The following ADAMTSL1 variants were observed in gnomAD, a reference collection of about 807,000 sequenced individuals.
The protein encoded by ADAMTSL1 is ADAMTS-like protein 1.
In ADAMTSL1, 126 loss-of-function variants were observed where a neutral mutation model predicts 201.8. The observed-to-expected ratio is 0.62, with a 90% CI of 0.54 to 0.72. ADAMTSL1 has a LOEUF of 0.72. ADAMTSL1 is among the 30% of genes least tolerant of loss of function. ADAMTSL1 has a pLI of 0.00. For synonymous variants in ADAMTSL1, 1,121 were observed against 903.4 expected (o/e 1.24, Z -4.32); for missense variants, 2,679 against 2,277.8 (o/e 1.18, Z -3.59).
chr9:18,398,106 C>G (rs1214492562), intron 2 of ADAMTSL1, among the ~76,000 whole-genome samples: 1 of 152,136 alleles, frequency 6.6e-6, no homozygotes, highest in African/African-American at 2.4e-5. Flanking sequence ...TTTCAACACT[C>G]TCTTTCCATC....
At chr9:17,914,891 G>C (rs1465163098) in intron 1 of ADAMTSL1, among the ~76,000 whole-genome samples, 2 of 152,124 alleles carry the variant, frequency 1.3e-5, no homozygotes, top group Non-Finnish European at 2.9e-5. Flanking sequence ...GACAAACAGA[G>C]AGCCAAACCA....
intron 2 of ADAMTSL1, among the ~76,000 whole-genome samples, 179 bp from the exon 3 acceptor site, chr9:18,533,068 C>T (rs1819542344): frequency 6.6e-6 from 1 of 151,992 alleles, no homozygotes; most frequent in African/African-American, 2.4e-5. Flanking sequence ...AATCAATTTA[C>T]ATCTATAACT....
chr9:18,037,148 A>G (rs1821233871), intron 1 of ADAMTSL1, among the ~76,000 whole-genome samples: 1 of 152,218 alleles, frequency 6.6e-6, no homozygotes, highest in Admixed American at 6.5e-5. Flanking sequence ...GTTTGCACTC[A>G]TGAAACTTCA....
In ADAMTSL1 at chr9:18,332,610, A is replaced by G. The variant is rs1472515050; in HGVS notation, c.207+168629A>G. Among the ~76,000 whole-genome samples, 76 of 152,164 alleles carry G rather than the reference A, an allele frequency of 5.0e-4. 1 individual carries two copies. Among genetic ancestry groups the G allele is most frequent in the Admixed American group, 5.0e-3 (76 of 15,262 alleles). ...GGACTAAAGGCGCATGCTACCAGAC[A>G]TGGCAATTTTAATTTTTCCTTTTTT... On this transcript the variant is annotated intron_variant, in intron 2 of 29. Coordinates refer to the ADAMTSL1 transcript ENST00000680146.
rs187661215 is a variant in ADAMTSL1, at chr9:17,990,032, C to T, written c.87+83110C>T. On this transcript the variant is annotated intron_variant, in intron 1 of 29. Transcript: ENST00000680146. ...GTTAGGGCAAAACAAACATTGAAGA[C>T]ATAGACTTGTTAAATGAAAAGCAGG... is the stretch of plus-strand genomic sequence containing the variant. 4.6e-3 allele frequency among the ~76,000 whole-genome samples: 693 copies of T among 150,740 alleles called. 4 individuals are homozygous for T. Among genetic ancestry groups the T allele is most frequent in the African/African-American group, 0.016 (645 of 41,062 alleles).
At chr9:18,409,910 A>G (rs895021634) in intron 2 of ADAMTSL1, among the ~76,000 whole-genome samples, 22 of 151,070 alleles carry the variant, frequency 1.5e-4, no homozygotes, top group African/African-American at 4.8e-4. Flanking sequence ...TCCTATTCCT[A>G]CAGATTATTT....
At chr9:18,565,164 A>G (rs1247303881) in intron 3 of ADAMTSL1, among the ~76,000 whole-genome samples, 2 of 152,216 alleles carry the variant, frequency 1.3e-5, no homozygotes, top group Admixed American at 6.5e-5. Context: ...CACACATTTC[A>G]TATCTTTTAT....
rs1222238662 is a variant in ADAMTSL1 at position 18,753,407 on chromosome 9, A to G, written c.2116A>G (p.Ile706Val). Residue 706 changes from isoleucine (I) to valine (V), a missense_variant, in exon 16 of 29, where the codon ATC becomes GTC. Physicochemically the swap from Ile to Val is conservative, Grantham distance 29 (BLOSUM62 3). Coordinates refer to ENST00000380548, the MANE Select transcript of ADAMTSL1 (RefSeq NM_001040272.6). ...TTCCAGAGAGATGAATGAAACAGTC[A>G]TCCTGGCTGATGAGCTGTGTCGCCA... ...LLSREMNETVILADELCRQPK... is the reference protein window; with the variant it reads ...LLSREMNETVVLADELCRQPK... 1 of 1,613,226 alleles carries G rather than the reference A, an allele frequency of 6.2e-7. No individual in the cohort carries two copies. The highest frequency in any genetic ancestry group is 8.5e-7 in the Non-Finnish European group (1 of 1,179,664).
At chr9:18,899,503 A>G (rs1829871146) in intron 26 of ADAMTSL1, among the ~76,000 whole-genome samples, 1 of 152,226 alleles carries the variant, frequency 6.6e-6, no homozygotes, top group South Asian at 2.1e-4. Flanking sequence ...AATCCTAAGC[A>G]TAAAGGACAG....
At chr9:18,737,559 G>T (rs137920720) in intron 15 of ADAMTSL1, among the ~76,000 whole-genome samples, 1 of 152,004 alleles carries the variant, frequency 6.6e-6, no homozygotes, top group African/African-American at 2.4e-5. Context: ...TAGTCCTATC[G>T]ATACCAAAAG....
chr9:18,074,671 A>G (rs1470804880), intron 1 of ADAMTSL1, among the ~76,000 whole-genome samples: 1 of 151,256 alleles, frequency 6.6e-6, no homozygotes, highest in East Asian at 2.0e-4. Flanking sequence ...GCTTACTGCA[A>G]TCTCTGCCTC....
chr9:18,399,319 A>ATT (rs1817885610), intron 2 of ADAMTSL1, among the ~76,000 whole-genome samples: 1 of 88,266 alleles, frequency 1.1e-5, no homozygotes, highest in African/African-American at 4.7e-5. Flanking sequence ...ATATATATAT[A>ATT]TATATATATA....
chr9:18,856,460 A>ATTTTTTT lies in ADAMTSL1; in HGVS notation c.4249+26498_4249+26504dup, dbSNP rs398010404. Among the ~76,000 whole-genome samples, 673 of 111,948 alleles carry ATTTTTTT rather than the reference A, an allele frequency of 6.0e-3. 27 individuals are homozygous for ATTTTTTT. The highest frequency in any genetic ancestry group is 0.012 in the African/African-American group (348 of 29,102). The allele number at this position is 111,948 out of a possible 152,430, so 73.4% of individuals were successfully genotyped here. A position where few individuals can be genotyped will look rare whatever the true frequency, so the allele number is the denominator to read the frequency against. ...TGGTTGTTGCCAAATGATAAGAAGG[A>ATTTTTTT]TTTTTTTTTTTTTTTTTTTTTGAGA... On this transcript the variant is annotated intron_variant, in intron 23 of 28. Transcript: ENST00000380548.
chr9:18,237,375 C>A (rs1563827406), intron 2 of ADAMTSL1, among the ~76,000 whole-genome samples: 1 of 152,156 alleles, frequency 6.6e-6, no homozygotes, highest in African/African-American at 2.4e-5. Context: ...TCTGTGTTGG[C>A]CCTTATAGAT....
chr9:18,610,125 C>T (rs954150464), intron 4 of ADAMTSL1, among the ~76,000 whole-genome samples: 1 of 152,110 alleles, frequency 6.6e-6, no homozygotes, highest in Non-Finnish European at 1.5e-5. Flanking sequence ...GCACTATGGT[C>T]TCGCTGGTCT....
chr9:18,080,761 G>C (rs1823464367), intron 1 of ADAMTSL1, among the ~76,000 whole-genome samples: 1 of 152,182 alleles, frequency 6.6e-6, no homozygotes. Context: ...AGTAGTATTA[G>C]ACTTGAATGT....
intron 13 of ADAMTSL1, among the ~76,000 whole-genome samples, chr9:18,693,096 G>T (rs1195135897): frequency 6.6e-6 from 1 of 152,098 alleles, no homozygotes; most frequent in African/African-American, 2.4e-5. Context: ...AAAGACAAAA[G>T]CTCTCCTTTG....
intron 1 of ADAMTSL1, among the ~76,000 whole-genome samples, chr9:18,008,756 T>C (rs1209369602): frequency 6.6e-6 from 1 of 151,884 alleles, no homozygotes; most frequent in African/African-American, 2.4e-5. Context: ...CCATCTCTAG[T>C]CACATGACCT....
At chr9:18,596,170 A>C (rs75565830) in intron 4 of ADAMTSL1, among the ~76,000 whole-genome samples, 1 of 152,144 alleles carries the variant, frequency 6.6e-6, no homozygotes, top group Admixed American at 6.5e-5. Flanking sequence ...ATCAATTTTT[A>C]AAAAAGTTCT....
Sources: gnomAD v4.1 joint callset for allele counts (sites outside exome capture counted in the v4.1 genomes callset) on GRCh38, gnomAD v4.1.1 for gene constraint, MANE v1.5 for transcripts, NCBI Gene and HGNC (gene_info 2026-07-23, HGNC 2026-07-21) for gene names.